The following TRAF3 variants were observed in gnomAD, a reference collection of about 807,000 sequenced individuals.
TRAF3 encodes TNF receptor-associated factor 3.
A neutral mutation model predicts 62.3 loss-of-function variants in TRAF3; 13 were observed. The ratio of observed to expected loss-of-function variants is 0.21; its 90% CI spans 0.14 to 0.33. The LOEUF is 0.33. TRAF3 is among the 10% of genes least tolerant of loss of function. The pLI, the probability that TRAF3 is intolerant of heterozygous loss-of-function variation, is 1.00. For synonymous variants in TRAF3, 269 were observed against 283.4 expected (o/e 0.95, Z 0.51); for missense variants, 440 against 741.8 (o/e 0.59, Z 4.73).
chr14:102,845,285 C>T (rs1886631181), intron 2 of TRAF3, among the ~76,000 whole-genome samples: 1 of 151,812 alleles, frequency 6.6e-6, no homozygotes, highest in African/African-American at 2.4e-5. Flanking sequence ...TCACTGCAAG[C>T]TCTGCCTCCC....
chr14:102,829,793 A>G (rs1215431845), intron 1 of TRAF3, among the ~76,000 whole-genome samples: 2 of 152,132 alleles, frequency 1.3e-5, no homozygotes, highest in Non-Finnish European at 2.9e-5. Context: ...ACGAGGGCCT[A>G]TTGTCTTCAT....
At chr14:102,875,077 T>C (rs1888568369) in intron 4 of TRAF3, among the ~76,000 whole-genome samples, 1 of 152,126 alleles carries the variant, frequency 6.6e-6, no homozygotes, top group African/African-American at 2.4e-5. Context: ...GAAAAATGAG[T>C]TTTAACAGCA....
chr14:102,824,479 G>C (rs1224588100), intron 1 of TRAF3, among the ~76,000 whole-genome samples: 3 of 152,206 alleles, frequency 2.0e-5, no homozygotes, highest in Non-Finnish European at 4.4e-5. Flanking sequence ...GGCCCCAGTG[G>C]CACCTAGAGT....
chr14:102,869,055 G>A (rs1888172100), intron 2 of TRAF3, among the ~76,000 whole-genome samples: 1 of 152,178 alleles, frequency 6.6e-6, no homozygotes, highest in Non-Finnish European at 1.5e-5. Context: ...CCCAGCCCTT[G>A]GGCACATTGG....
At chr14:102,816,871 G>A (rs1361849760) in intron 1 of TRAF3, among the ~76,000 whole-genome samples, 2 of 152,236 alleles carry the variant, frequency 1.3e-5, no homozygotes. Context: ...CTGCACTTCT[G>A]AATCTAGCGC....
chr14:102,905,097 G>A, intron 11 of TRAF3, 116 bp from the exon 12 acceptor site: 1 of 1,088,544 alleles, frequency 9.2e-7, no homozygotes, highest in Non-Finnish European at 1.4e-6. Context: ...GGGCAACAGA[G>A]CGAGACTCCG....
chr14:102,877,806 C>G (rs1888798863), intron 6 of TRAF3, among the ~76,000 whole-genome samples: 1 of 151,698 alleles, frequency 6.6e-6, no homozygotes, highest in African/African-American at 2.4e-5. Context: ...AGGCCTTCCG[C>G]TCAGCTCATA....
intron 10 of TRAF3, among the ~76,000 whole-genome samples, chr14:102,900,755 G>A (rs969545999): frequency 1.3e-5 from 2 of 152,240 alleles, no homozygotes; most frequent in Non-Finnish European, 2.9e-5. Context: ...CAGGTGACAC[G>A]GTTGCAGCCC....
chr14:102,777,816 G>C (rs2140034205), intron 1 of TRAF3, 141 bp downstream of exon 1: 1 of 145,686 alleles, frequency 6.9e-6, no homozygotes, highest in Non-Finnish European at 1.5e-5. Context: ...CGCAGGCCCG[G>C]CCCGTCCCAG....
At chr14:102,891,230 T>C in intron 8 of TRAF3, 95 bp from the exon 9 acceptor site, 2 of 1,169,062 alleles carry the variant, frequency 1.7e-6, no homozygotes, top group Non-Finnish European at 2.5e-6. Flanking sequence ...CTCCCCTCTT[T>C]GTGTTTAGTG....
At chr14:102,881,111 G>A (rs1035278025) in intron 6 of TRAF3, among the ~76,000 whole-genome samples, 2 of 151,872 alleles carry the variant, frequency 1.3e-5, no homozygotes, top group East Asian at 1.9e-4. Context: ...TGCCGGTCAC[G>A]GTGACTCACA....
chr14:102,873,577 G>A (rs186088315), intron 4 of TRAF3, among the ~76,000 whole-genome samples: 20 of 152,292 alleles, frequency 1.3e-4, no homozygotes, highest in African/African-American at 3.4e-4. Context: ...TCAAGTTGTG[G>A]ACCCTCATGG....
At chr14:102,847,932 A>G (rs1886818159) in intron 2 of TRAF3, among the ~76,000 whole-genome samples, 1 of 152,174 alleles carries the variant, frequency 6.6e-6, no homozygotes, top group Non-Finnish European at 1.5e-5. Context: ...CTCATGGCCC[A>G]GGAATGAGTG....
chr14:102,850,513 A>G (rs1259207879), intron 2 of TRAF3, among the ~76,000 whole-genome samples: 4 of 151,992 alleles, frequency 2.6e-5, no homozygotes, highest in Non-Finnish European at 5.9e-5. Context: ...CCTGGCCAAC[A>G]TGGTGAAACC....
intron 1 of TRAF3, among the ~76,000 whole-genome samples, chr14:102,798,268 T>G (rs1898209123): frequency 6.6e-6 from 1 of 151,358 alleles, no homozygotes; most frequent in African/African-American, 2.4e-5. Flanking sequence ...GTTGCCCAGG[T>G]TGGAGTGCAG....
intron 2 of TRAF3, among the ~76,000 whole-genome samples, chr14:102,849,193 G>A (rs942567305): frequency 3.3e-5 from 5 of 152,284 alleles, no homozygotes; most frequent in African/African-American, 1.2e-4. Flanking sequence ...TGCTTTTCAC[G>A]TCTTCAAATA....
At chr14:102,882,800 G>A (rs975300900) in intron 6 of TRAF3, among the ~76,000 whole-genome samples, 11 of 152,030 alleles carry the variant, frequency 7.2e-5, no homozygotes, top group Non-Finnish European at 1.5e-4. Context: ...TCTTTTCTAC[G>A]TTTAAACTGT....
intron 1 of TRAF3, among the ~76,000 whole-genome samples, chr14:102,803,787 G>T (rs1447359805): frequency 1.3e-5 from 2 of 152,166 alleles, no homozygotes; most frequent in Non-Finnish European, 2.9e-5. Context: ...TACGGTTTCT[G>T]ATTTCTCTCA....
At chr14:102,807,739 G>A (rs1204798891) in intron 1 of TRAF3, among the ~76,000 whole-genome samples, 1 of 152,122 alleles carries the variant, frequency 6.6e-6, no homozygotes, top group Non-Finnish European at 1.5e-5. Flanking sequence ...TGAGGGCAGC[G>A]ACCACAGCTC....
Sources: gnomAD v4.1 joint callset for allele counts (sites outside exome capture counted in the v4.1 genomes callset) on GRCh38, gnomAD v4.1.1 for gene constraint, MANE v1.5 for transcripts, NCBI Gene and HGNC (gene_info 2026-07-23, HGNC 2026-07-21) for gene names.